Variants in ACKR2 observed in about 807,000 individuals in gnomAD.
ACKR2 encodes the protein C-C chemokine receptor D6.
For missense variants in ACKR2, 457 were observed against 477.3 expected, an observed-to-expected ratio of 0.96 and a Z score of 0.40; for synonymous variants, 207 against 192.2, an observed-to-expected ratio of 1.08 and a Z score of -0.64.
In ACKR2 at chr3:42,864,522, C is replaced by T. The variant is rs780739221; in HGVS notation, c.20C>T (p.Pro7Leu). Residue 7 changes from proline to leucine, a missense_variant, in exon 3 of 3, where the codon CCG becomes CTG. By Grantham distance (98) the Pro-to-Leu change is moderately conservative. Coordinates refer to ENST00000422265, the MANE Select transcript of ACKR2 (RefSeq NM_001296.5). ...TCCAACATGGCCGCCACTGCCTCTC[C>T]GCAGCCACTCGCCACTGAGGATGCC... MAATAS[P>L]QPLATEDADS... 9.3e-6 allele frequency: 15 copies of T among 1,604,626 alleles called. No individual in the cohort carries two copies. Among genetic ancestry groups the T allele is most frequent in the South Asian group, 2.2e-5 (2 of 89,852 alleles).
chr3:42,824,104 T>C (rs1484524703), intron 2 of ACKR2, among the ~76,000 whole-genome samples: 1 of 152,206 alleles, frequency 6.6e-6, no homozygotes, highest in Non-Finnish European at 1.5e-5. Flanking sequence ...CCCATAGATA[T>C]CTCATTATTT....
rs115579216 is a variant in ACKR2, at chr3:42,830,521, G to T, written c.-38+10810G>T. On this transcript the variant is annotated intron_variant, in intron 2 of 2. Transcript: ENST00000422265. Reference sequence around the variant, plus strand: ...TTGTCTGTCCCCTCCCCCAAATTTGGCATATTGAAAACAAGATATGGAGCA... The same window carrying T: ...TTGTCTGTCCCCTCCCCCAAATTTGTCATATTGAAAACAAGATATGGAGCA... Among the ~76,000 whole-genome samples, 221 of 152,012 alleles carry T rather than the reference G, an allele frequency of 1.5e-3. 1 individual carries two copies. The highest frequency in any genetic ancestry group is 6.8e-3 in the Middle Eastern group (2 of 294).
At position 42,829,080 on chromosome 3, in the gene ACKR2, T is replaced by C. The variant is rs551233136; in HGVS notation, c.-38+9369T>C. On this transcript the variant is annotated intron_variant, in intron 2 of 2. Transcript: ENST00000422265. ...GCAGGTGTCCTGGTATAGAGTGGAC[T>C]TGAACAGGGTGAAAGAATGGGCGAT... Among the ~76,000 whole-genome samples the C allele has an allele frequency of 2.6e-5, 4 of 152,144 alleles. No homozygotes were observed. The East Asian group carries it at 7.7e-4, about 29-fold the overall frequency.
In ACKR2 at chr3:42,822,032, A is replaced by C. The variant is rs528393857; in HGVS notation, c.-38+2321A>C. On this transcript the variant is annotated intron_variant, in intron 2 of 2. Coordinates refer to ENST00000422265, the MANE Select transcript of ACKR2 (RefSeq NM_001296.5). ...TTCAATCTTCTCTTTCCCCTGTCAG[A>C]ATCTTTATCAATCAAAACTTTTGTT... 5.7e-3 allele frequency among the ~76,000 whole-genome samples: 860 copies of C among 152,076 alleles called. 9 individuals are homozygous for C. Among genetic ancestry groups the C allele is most frequent in the African/African-American group, 0.02 (829 of 41,518 alleles).
intron 1 of ACKR2, among the ~76,000 whole-genome samples, chr3:42,817,093 T>C (rs1700759163): frequency 6.6e-6 from 1 of 152,168 alleles, no homozygotes; most frequent in African/African-American, 2.4e-5. Context: ...CTAGTAAGTA[T>C]ATGCCTTATA....
chr3:42,850,586 G>C (rs1701144514), intron 2 of ACKR2, among the ~76,000 whole-genome samples: 1 of 152,202 alleles, frequency 6.6e-6, no homozygotes, highest in Non-Finnish European at 1.5e-5. Context: ...CTGGAGGTGA[G>C]GGTGGCTGAG....
intron 2 of ACKR2, among the ~76,000 whole-genome samples, chr3:42,827,293 C>CGA (rs1700878405): frequency 6.6e-6 from 1 of 152,160 alleles, no homozygotes; most frequent in Non-Finnish European, 1.5e-5. Flanking sequence ...CAAAGGATTT[C>CGA]TTGTGTCAAA....
At chr3:42,818,211 C>T (rs1700773382) in intron 1 of ACKR2, among the ~76,000 whole-genome samples, 1 of 152,206 alleles carries the variant, frequency 6.6e-6, no homozygotes, top group South Asian at 2.1e-4. Flanking sequence ...CTCTTCTCTG[C>T]TCTCTACATC....
chr3:42,814,416 G>A (rs917422831), intron 1 of ACKR2, among the ~76,000 whole-genome samples: 6 of 152,202 alleles, frequency 3.9e-5, no homozygotes, highest in African/African-American at 1.4e-4. Context: ...TCTTCAGAGA[G>A]CCTCTGTGAC....
At chr3:42,830,596 C>T (rs1461160701) in intron 2 of ACKR2, among the ~76,000 whole-genome samples, 2 of 152,136 alleles carry the variant, frequency 1.3e-5, no homozygotes, top group African/African-American at 4.8e-5. Context: ...CAAGAAGCTC[C>T]CCGCTGGTGA....
rs376833790 is a variant in ACKR2 at position 42,860,189 on chromosome 3, A to AAAAAAAAAAC, written c.-37-4277_-37-4276insAAAAAAAAAC. 1.7e-3 allele frequency among the ~76,000 whole-genome samples: 192 copies of AAAAAAAAAAC among 111,628 alleles called. 13 individuals are homozygous for AAAAAAAAAAC. Among genetic ancestry groups the AAAAAAAAAAC allele is most frequent in the Non-Finnish European group, 2.7e-3 (142 of 53,136 alleles). The allele number at this position is 111,628 out of a possible 152,430, so 73.2% of individuals were successfully genotyped here. ...CAAAAAAAAAAAAAAAAAAAAAAAA[A>AAAAAAAAAAC]GCAGGGGATGCAATCCTAGTCTCTG... On this transcript the variant is annotated intron_variant, in intron 2 of 2. Coordinates refer to ENST00000422265, the MANE Select transcript of ACKR2 (RefSeq NM_001296.5).
At chr3:42,860,560 A>G (rs1372760350) in intron 2 of ACKR2, among the ~76,000 whole-genome samples, 1 of 152,182 alleles carries the variant, frequency 6.6e-6, no homozygotes, top group Non-Finnish European at 1.5e-5. Context: ...TCTTCTCAGC[A>G]TCCTGATACC....
chr3:42,819,585 C>G (rs1178531299), intron 1 of ACKR2, 46 bp from the exon 2 acceptor site: 1 of 152,368 alleles, frequency 6.6e-6, no homozygotes, highest in East Asian at 1.9e-4. Context: ...TTACAACCCC[C>G]CTGGCGGCAG....
chr3:42,865,029 C>T lies in ACKR2; in HGVS notation c.527C>T (p.Ser176Phe), dbSNP rs532560090. The T allele has an allele frequency of 6.2e-7, 1 of 1,614,164 alleles. No individual in the cohort carries two copies. The highest frequency in any genetic ancestry group is 1.1e-5 in the South Asian group (1 of 91,086). The stretch of plus-strand genomic sequence containing the variant: ...GTATGGGCTGTGTCCCTGGCCGTCT[C>T]CATCCCTGATATGGTCTTTGTACAG... Reference protein sequence around the residue: ...TIVWAVSLAVSIPDMVFVQTH... With the variant: ...TIVWAVSLAVFIPDMVFVQTH... The change falls in exon 3 of 3, where the codon TCC becomes TTC. Residue 176 changes from serine (S) to phenylalanine (F), a missense_variant. Ser to Phe is a radical substitution (Grantham distance 155, BLOSUM62 -2). Transcript: ENST00000422265.
chr3:42,842,276 T>C (rs1701046815), intron 2 of ACKR2, among the ~76,000 whole-genome samples: 1 of 152,224 alleles, frequency 6.6e-6, no homozygotes, highest in Non-Finnish European at 1.5e-5. Context: ...GTTATGTTTT[T>C]ATTTGTTTGC....
Position 42,819,535 on chromosome 3 carries a change from G to A in ACKR2, c.-118-96G>A, listed in dbSNP as rs905385323. On this transcript the variant is annotated intron_variant, in intron 1 of 2. Coordinates refer to ENST00000422265, the MANE Select transcript of ACKR2 (RefSeq NM_001296.5). ...GCTCCCTCACTGTTTCCTGGCACAC[G>A]GTATGATATTGAGTTCCATGATTAT... 6 of 150,646 alleles carry A rather than the reference G, an allele frequency of 4.0e-5. No homozygotes were observed. The East Asian group carries it at 5.8e-4, about 15-fold the overall frequency. 9.3% of individuals were successfully genotyped at this position (150,646 alleles called of 1,614,324 possible).
At chr3:42,830,059 C>G (rs1396624372) in intron 2 of ACKR2, among the ~76,000 whole-genome samples, 1 of 152,182 alleles carries the variant, frequency 6.6e-6, no homozygotes, top group African/African-American at 2.4e-5. Flanking sequence ...TTTCAATACC[C>G]TCTTTCAAAT....
At chr3:42,827,399 CAATTCAGTCTTTCTA>C (rs1184359307) in intron 2 of ACKR2, among the ~76,000 whole-genome samples, 1 of 152,068 alleles carries the variant, frequency 6.6e-6, no homozygotes, top group Non-Finnish European at 1.5e-5. Flanking sequence ...ACTTTTATTC[CAATTCAGTCTTTCTA>C]AATTCTGATG....
intron 2 of ACKR2, among the ~76,000 whole-genome samples, chr3:42,823,173 T>G (rs1178771037): frequency 6.6e-6 from 1 of 152,232 alleles, no homozygotes; most frequent in Non-Finnish European, 1.5e-5. Flanking sequence ...AGGTTTCACT[T>G]TTAAAAAGTT....
Sources: gnomAD v4.1 joint callset for allele counts (sites outside exome capture counted in the v4.1 genomes callset) on GRCh38, gnomAD v4.1.1 for gene constraint, MANE v1.5 for transcripts, NCBI Gene and HGNC (gene_info 2026-07-23, HGNC 2026-07-21) for gene names.